Variants in SMIM14 observed in about 807,000 individuals in gnomAD.
SMIM14 encodes chromosome 4 open reading frame 34.
Under a neutral mutation model 12.6 loss-of-function variants are expected in SMIM14, and 5 were observed. The ratio of observed to expected loss-of-function variants is 0.40; its 90% CI spans 0.21 to 0.83. SMIM14 has a LOEUF of 0.83. SMIM14 is among the 40% of genes least tolerant of loss of function. The pLI is 0.37. For synonymous variants in SMIM14, 30 were observed against 40.1 expected (o/e 0.75, Z 0.95); for missense variants, 86 against 119.1 (o/e 0.72, Z 1.29).
intron 2 of SMIM14, among the ~76,000 whole-genome samples, chr4:39,581,344 C>T (rs1284294160): frequency 6.6e-6 from 1 of 152,022 alleles, no homozygotes; most frequent in Non-Finnish European, 1.5e-5. Flanking sequence ...CACAGTTTGT[C>T]TCTTCACTTT....
At chr4:39,619,607 T>C (rs1425970510) in intron 1 of SMIM14, among the ~76,000 whole-genome samples, 1 of 88,230 alleles carries the variant, frequency 1.1e-5, no homozygotes, top group African/African-American at 5.1e-5. Flanking sequence ...ATTTATTCTA[T>C]ATATCAATAA....
At chr4:39,629,608 C>T (rs111741048) in intron 1 of SMIM14, among the ~76,000 whole-genome samples, 1 of 151,180 alleles carries the variant, frequency 6.6e-6, no homozygotes, top group Non-Finnish European at 1.5e-5. Flanking sequence ...ACAATGGCTT[C>T]GCTTATAAAT....
At chr4:39,604,854 G>A (rs1045686802) in intron 2 of SMIM14, among the ~76,000 whole-genome samples, 15 of 152,128 alleles carry the variant, frequency 9.9e-5, no homozygotes, top group South Asian at 6.2e-4. Flanking sequence ...CAAGTGATCC[G>A]CCCACCTTGG....
At position 39,552,037 on chromosome 4, in the gene SMIM14, C is replaced by A. The variant is rs1382989168; in HGVS notation, c.*89G>T. 1.9e-6 allele frequency: 2 copies of A among 1,040,164 alleles called. No individual in the cohort carries two copies. The highest frequency in any genetic ancestry group is 2.8e-6 in the Non-Finnish European group (2 of 726,300). The allele number at this position is 1,040,164 out of a possible 1,614,324, so 64.4% of individuals were successfully genotyped here. ...CATATTGCAGATACAAAAGGAAAAA[C>A]AGTTCTAATGGGGTTAAGAGTACTC... On this transcript the variant is annotated 3_prime_UTR_variant, in exon 5 of 5. Coordinates refer to ENST00000295958, the MANE Select transcript of SMIM14 (RefSeq NM_174921.3).
At chr4:39,632,182 A>ATTTTTT (rs1715923782) in intron 1 of SMIM14, among the ~76,000 whole-genome samples, 1 of 152,194 alleles carries the variant, frequency 6.6e-6, no homozygotes, top group Non-Finnish European at 1.5e-5. Context: ...CTCCTCAGAG[A>ATTTTTT]TAGCTTCTAT....
intron 2 of SMIM14, among the ~76,000 whole-genome samples, chr4:39,574,888 CTTTGGGAAGCCAAGG>C (rs1235775251): frequency 6.6e-6 from 1 of 151,956 alleles, no homozygotes; most frequent in African/African-American, 2.4e-5. Flanking sequence ...AATTCTAGCA[CTTTGGGAAGCCAAGG>C]CAGGAGGATA....
At chr4:39,606,468 C>G (rs1305287884) in intron 1 of SMIM14, among the ~76,000 whole-genome samples, 3 of 151,974 alleles carry the variant, frequency 2.0e-5, no homozygotes, top group Admixed American at 2.0e-4. Flanking sequence ...TGGTGAAACC[C>G]CGTCTCTACT....
chr4:39,614,229 G>T (rs1715139010), intron 1 of SMIM14, among the ~76,000 whole-genome samples: 1 of 150,232 alleles, frequency 6.7e-6, no homozygotes, highest in Non-Finnish European at 1.5e-5. Flanking sequence ...TCGAGGAGCA[G>T]TAAGGGAAGC....
chr4:39,575,605 G>A (rs1713125454), intron 2 of SMIM14, among the ~76,000 whole-genome samples: 2 of 151,996 alleles, frequency 1.3e-5, no homozygotes, highest in African/African-American at 4.8e-5. Flanking sequence ...TTGTTTTTAA[G>A]ATAGGGTCTT....
intron 2 of SMIM14, among the ~76,000 whole-genome samples, chr4:39,603,797 G>C (rs1165623826): frequency 6.6e-6 from 1 of 151,938 alleles, no homozygotes; most frequent in Non-Finnish European, 1.5e-5. Context: ...GATCACCTGA[G>C]GTCAGGAGTT....
chr4:39,586,319 G>C (rs1250935890), intron 2 of SMIM14, among the ~76,000 whole-genome samples: 1 of 151,420 alleles, frequency 6.6e-6, no homozygotes, highest in African/African-American at 2.4e-5. Context: ...TCAACATTTT[G>C]CTTAGAAATC....
chr4:39,586,785 C>A (rs1360002077), intron 2 of SMIM14, among the ~76,000 whole-genome samples: 1 of 152,028 alleles, frequency 6.6e-6, no homozygotes, highest in East Asian at 1.9e-4. Context: ...GTTTGGGCTG[C>A]AATAACAAAT....
chr4:39,586,808 G>A (rs1713807153), intron 2 of SMIM14, among the ~76,000 whole-genome samples: 1 of 152,022 alleles, frequency 6.6e-6, no homozygotes, highest in African/African-American at 2.4e-5. Flanking sequence ...TATGGGCCAG[G>A]TAGCTTACAT....
intron 1 of SMIM14, among the ~76,000 whole-genome samples, chr4:39,628,544 T>C (rs1237815871): frequency 2.0e-5 from 3 of 150,744 alleles, no homozygotes; most frequent in Non-Finnish European, 4.4e-5. Flanking sequence ...CCGGGCATAG[T>C]GGCACACGCG....
At chr4:39,554,875 G>A (rs1327508375) in intron 4 of SMIM14, among the ~76,000 whole-genome samples, 9 of 120,548 alleles carry the variant, frequency 7.5e-5, no homozygotes, top group South Asian at 2.8e-4. Flanking sequence ...CACTCTCACC[G>A]CCTAGCCTGG....
intron 1 of SMIM14, among the ~76,000 whole-genome samples, chr4:39,614,763 C>T (rs1298661054): frequency 6.6e-6 from 1 of 152,168 alleles, no homozygotes; most frequent in Non-Finnish European, 1.5e-5. Flanking sequence ...TTCTATGTAG[C>T]ATTAAGGGCA....
At chr4:39,583,051 C>T (rs1202078472) in intron 2 of SMIM14, among the ~76,000 whole-genome samples, 1 of 152,080 alleles carries the variant, frequency 6.6e-6, no homozygotes, top group East Asian at 1.9e-4. Context: ...CTCAGCCTCC[C>T]AAAGTACTGG....
At chr4:39,572,552 G>T in intron 2 of SMIM14, 89 bp from the exon 3 acceptor site, 1 of 1,086,384 alleles carries the variant, frequency 9.2e-7, no homozygotes. Context: ...GGCCGGGTGC[G>T]GTGGCTCACG....
At chr4:39,583,876 A>G (rs1171740701) in intron 2 of SMIM14, 3 of 152,104 alleles carry the variant, frequency 2.0e-5, no homozygotes, top group African/African-American at 7.3e-5. Context: ...CATCATTTCC[A>G]AATTTATATA....
Sources: allele counts gnomAD v4.1 joint callset (sites outside exome capture counted in the v4.1 genomes callset), GRCh38; gene constraint gnomAD v4.1.1; transcripts MANE v1.5; gene names NCBI Gene and HGNC (gene_info 2026-07-23, HGNC 2026-07-21).